SLC23A3: variants seen among roughly 807,000 people sequenced by gnomAD.
SLC23A3 encodes the protein E2-binding protein 3.
In SLC23A3, 41 loss-of-function variants were observed where a neutral mutation model predicts 64.7. That is an observed-to-expected ratio of 0.63 (90% CI 0.49 to 0.82). The LOEUF (loss-of-function observed/expected upper bound fraction) is 0.82, where lower values mean the gene tolerates loss of function less well. Ranked by LOEUF, SLC23A3 falls within the 40% of genes least tolerant of loss-of-function variation. The probability of loss-of-function intolerance (pLI) is 0.00; values close to 1 mark genes in which losing one functional copy is unlikely to be tolerated. For synonymous variants in SLC23A3, 281 were observed against 306.8 expected (o/e 0.92, Z 0.88); for missense variants, 647 against 733.4 (o/e 0.88, Z 1.36).
At position 219,162,373 on chromosome 2, in the gene SLC23A3, A is replaced by G; in HGVS notation, c.1463T>C (p.Leu488Ser). 6.2e-7 allele frequency: 1 copy of G among 1,613,994 alleles called. No homozygotes were observed. Among genetic ancestry groups the G allele is most frequent in the Non-Finnish European group, 8.5e-7 (1 of 1,179,944 alleles). The part of the protein sequence containing the change: ...FSTGWSPLDV[L>S]LHSLLTQPIF... ...GGGCTGTGTCAGCAGTGAGTGCAGT[A>G]ATACATCCAAGGGGCTCCAGCCTAT... Residue 488 changes from leucine to serine, a missense_variant, in exon 11 of 12, where the codon TTA (leucine) becomes TCA (serine). Leu to Ser is a moderately radical substitution (Grantham distance 145). Transcript: ENST00000409878.
In SLC23A3 at chr2:219,169,861, A is replaced by T; in HGVS notation, c.124T>A (p.Ser42Thr). ...STHSWDPLCGSLPWGLSCLLA... is the reference protein window; with the variant it reads ...STHSWDPLCGTLPWGLSCLLA... ...AGACAGCTGAGGCCCCAAGGCAGAGATCCACACAAAGGGTCCCAAGAGTGG... is the reference window on the plus strand; with the variant it reads ...AGACAGCTGAGGCCCCAAGGCAGAGTTCCACACAAAGGGTCCCAAGAGTGG... The change falls in exon 1 of 12, where the codon TCT (serine) becomes ACT (threonine). Residue 42 changes from serine (S) to threonine (T), a missense_variant. Physicochemically the swap from Ser to Thr is moderately conservative, Grantham distance 58. Transcript: ENST00000409878. The surrounding 1 kb of genome is among the most constrained non-coding windows in gnomAD (Gnocchi z 4.5). 6.2e-7 allele frequency: 1 copy of T among 1,613,884 alleles called. No homozygotes were observed. Among genetic ancestry groups the T allele is most frequent in the Non-Finnish European group, 8.5e-7 (1 of 1,179,902 alleles).
chr2:219,169,714 G>T lies in SLC23A3; in HGVS notation c.163-36C>A. The T allele has an allele frequency of 3.1e-6, 5 of 1,613,450 alleles. No homozygotes were observed. The highest frequency in any genetic ancestry group is 4.2e-6 in the Non-Finnish European group (5 of 1,179,712). On this transcript the variant is annotated intron_variant, in intron 1 of 11. Transcript: ENST00000409878. This position sits in a 1 kb window ranked among gnomAD's most constrained non-coding sequence, Gnocchi z 4.5. ...AGGAATGGGGAGGGCAGTCTTCAGA[G>T]AAGTGGAAATACCTACAATACTTCC...
Position 219,163,510 on chromosome 2 carries a change from A to G in SLC23A3, c.1319T>C (p.Phe440Ser). ...VTQAVVLSAG[F>S]SSFYLADIDS... ...TATGTCAGCCAGGTAGAAGCTGGAG[A>G]ATCCAGCAGACAAAACCACAGCCTG... The change falls in exon 10 of 12, where the codon TTC becomes TCC. Residue 440 changes from phenylalanine to serine, a missense_variant. By Grantham distance (155) the Phe-to-Ser change is radical. Coordinates refer to ENST00000409878, the MANE Select transcript of SLC23A3 (RefSeq NM_001144889.2). 6.2e-7 allele frequency: 1 copy of G among 1,614,166 alleles called. No homozygotes were observed. The highest frequency in any genetic ancestry group is 8.5e-7 in the Non-Finnish European group (1 of 1,180,036).
At position 219,169,230 on chromosome 2, in the gene SLC23A3, A is replaced by G; in HGVS notation, c.418+79T>C. 2 of 1,612,588 alleles carry G rather than the reference A, an allele frequency of 1.2e-6. No individual in the cohort carries two copies. Among genetic ancestry groups the G allele is most frequent in the South Asian group, 1.1e-5 (1 of 90,978 alleles). Reference sequence around the variant, plus strand: ...ACAGTCTCACCACTGCCCAATCTCAATTCTGCACCCACCTACACCTGCATG... The same window carrying G: ...ACAGTCTCACCACTGCCCAATCTCAGTTCTGCACCCACCTACACCTGCATG... On this transcript the variant is annotated intron_variant, in intron 3 of 11. Transcript: ENST00000409878. The surrounding 1 kb of genome is among the most constrained non-coding windows in gnomAD (Gnocchi z 4.5).
In SLC23A3 at chr2:219,169,801, C is replaced by T; in HGVS notation, c.162+22G>A. ...CACACACACCATCAGGCAGCACCAA[C>T]TCCTGCACCTCTGCCTCCTACCTGC... On this transcript the variant is annotated intron_variant, in intron 1 of 11. Coordinates refer to ENST00000409878, the MANE Select transcript of SLC23A3 (RefSeq NM_001144889.2). The surrounding 1 kb of genome is among the most constrained non-coding windows in gnomAD (Gnocchi z 4.5). The T allele has an allele frequency of 1.2e-6, 2 of 1,613,622 alleles. No homozygotes were observed. Among genetic ancestry groups the T allele is most frequent in the Non-Finnish European group, 1.7e-6 (2 of 1,179,806 alleles).
At chr2:219,162,940 C>T (rs144461029) in intron 10 of SLC23A3, among the ~76,000 whole-genome samples, 1 of 152,320 alleles carries the variant, frequency 6.6e-6, no homozygotes, top group Non-Finnish European at 1.5e-5. Context: ...CAGTTGAGAA[C>T]TGGGTGAGAC....
At chr2:219,168,879 C>A in intron 4 of SLC23A3, 46 bp from the exon 5 acceptor site, 1 of 1,561,864 alleles carries the variant, frequency 6.4e-7, no homozygotes, top group Non-Finnish European at 8.7e-7. Context: ...TCTGCTCAAT[C>A]AAACTGGCCT....
In SLC23A3 at chr2:219,164,331, G is replaced by GATCC; in HGVS notation, c.1171_1174dup (p.Ser392TrpfsTer57). On this transcript the variant is annotated frameshift_variant, in exon 9 of 12. Coordinates refer to ENST00000409878, the MANE Select transcript of SLC23A3 (RefSeq NM_001144889.2). LOFTEE classifies it high-confidence loss of function. Reference sequence around the variant, plus strand: ...CCCCACTAAGTGAGCCACTTGCTGAGATCCAGCCTGCATGAAGAAAAGACA... The same window carrying GATCC: ...CCCCACTAAGTGAGCCACTTGCTGAGATCCATCCAGCCTGCATGAAGAAAAGACA... 1 of 1,593,268 alleles carries GATCC rather than the reference G, an allele frequency of 6.3e-7. No individual in the cohort carries two copies. The highest frequency in any genetic ancestry group is 8.5e-7 in the Non-Finnish European group (1 of 1,169,654).
chr2:219,164,094 A>G (rs1455313759), intron 9 of SLC23A3, 139 bp downstream of exon 9: 21 of 642,052 alleles, frequency 3.3e-5, no homozygotes, highest in Non-Finnish European at 2.5e-5. Flanking sequence ...ACACATGCTC[A>G]TATCCATCCA....
chr2:219,164,744 G>A (rs1406981736), intron 8 of SLC23A3: 1 of 237,984 alleles, frequency 4.2e-6, no homozygotes, highest in East Asian at 1.4e-4. Context: ...ATTTTTAGTA[G>A]AGACAGGGTT....
At position 219,163,400 on chromosome 2, in the gene SLC23A3, G is replaced by A. The variant is rs1949969312; in HGVS notation, c.1429C>T (p.Leu477=). Residue 477 remains leucine (L), a synonymous_variant, in exon 10 of 12, where the codon CTG becomes TTG. Transcript: ENST00000409878. ...LPRWFREAPV[L]FSTGWSPLDV... is the part of the protein sequence containing the mutation. ...CCCTTCCACCTACCTGTGCTGAACA[G>A]GACTGGGGCTTCCCGAAACCATCTT... 1 of 1,614,108 alleles carries A rather than the reference G, an allele frequency of 6.2e-7. No individual in the cohort carries two copies. The highest frequency in any genetic ancestry group is 1.3e-5 in the African/African-American group (1 of 74,940).
rs745981215 is a variant in SLC23A3 at position 219,168,157 on chromosome 2, C to T, written c.798+38G>A. On this transcript the variant is annotated intron_variant, in intron 6 of 11. Transcript: ENST00000409878. ...ATGGAGTGAGCACTCCAGGCCAGCC[C>T]TTCTGACCTCTACTGCCCTGCCCAG... 5 of 1,609,500 alleles carry T rather than the reference C, an allele frequency of 3.1e-6. No individual in the cohort carries two copies. The African/African-American group carries it at 6.7e-5, about 21-fold the overall frequency.
chr2:219,162,345 G>A lies in SLC23A3; in HGVS notation c.1491C>T (p.Ile497=), dbSNP rs375981700. 1.2e-6 allele frequency: 2 copies of A among 1,614,152 alleles called. No individual in the cohort carries two copies. Among genetic ancestry groups the A allele is most frequent in the East Asian group, 2.2e-5 (1 of 44,884 alleles). The change falls in exon 11 of 12, where the codon ATC becomes ATT. Residue 497 remains isoleucine (I), a synonymous_variant. Coordinates refer to ENST00000409878, the MANE Select transcript of SLC23A3 (RefSeq NM_001144889.2). ...VLLHSLLTQP[I]FLAGLSGFLL... ...GGAAGCCTGAGAGTCCAGCCAGGAAGATGGGCTGTGTCAGCAGTGAGTGCA... is the reference window on the plus strand; with the variant it reads ...GGAAGCCTGAGAGTCCAGCCAGGAAAATGGGCTGTGTCAGCAGTGAGTGCA...
At position 219,169,029 on chromosome 2, in the gene SLC23A3, C is replaced by T; in HGVS notation, c.492G>A (p.Glu164=). The T allele has an allele frequency of 6.2e-7, 1 of 1,613,534 alleles. No homozygotes were observed. Residue 164 remains glutamate (E), a splice_region_variant and synonymous_variant, in exon 4 of 12, where the codon GAG becomes GAA. Transcript: ENST00000409878. The surrounding 1 kb of genome is among the most constrained non-coding windows in gnomAD (Gnocchi z 4.5). Reference sequence around the variant, plus strand: ...TCCCTTCTCACCTCCAGATACCCACCTCCTGGAGAGAAGTGTTCCAGTGCC... The same window carrying T: ...TCCCTTCTCACCTCCAGATACCCACTTCCTGGAGAGAAGTGTTCCAGTGCC... ...GLGHWNTSLQ[E]VSGAVVVSGL...
rs374273671 is a variant in SLC23A3 at position 219,168,237 on chromosome 2, C to T, written c.756G>A (p.Thr252=). Reference sequence around the variant, plus strand: ...CAGGGAGAGGAGTGTGAGTTGATGACGTTGAAGCTCGCCTCCAGGGGCACA... The same window carrying T: ...CAGGGAGAGGAGTGTGAGTTGATGATGTTGAAGCTCGCCTCCAGGGGCACA... The part of the protein sequence containing the change: ...FHVCPWRRAS[T]SSTHTPLPVF... Residue 252 remains threonine (T), a synonymous_variant, in exon 6 of 12, where the codon ACG becomes ACA. Transcript: ENST00000409878. 169 of 1,613,986 alleles carry T rather than the reference C, an allele frequency of 1.0e-4. No individual in the cohort carries two copies. Among genetic ancestry groups the T allele is most frequent in the Non-Finnish European group, 1.4e-4 (160 of 1,179,970 alleles).
rs1950040987 is a variant in SLC23A3 at position 219,169,536 on chromosome 2, G to C, written c.305C>G (p.Thr102Ser). Reference sequence around the variant, plus strand: ...TTCCTCTCACCTGCTGCCCATCCAAGTTTGCAGGATGGTAGACATACCACA... The same window carrying C: ...TTCCTCTCACCTGCTGCCCATCCAACTTTGCAGGATGGTAGACATACCACA... ...FSCGMSTILQTWMGSRLPLVQ... is the reference protein window; with the variant it reads ...FSCGMSTILQSWMGSRLPLVQ... Residue 102 changes from threonine (T) to serine (S), a missense_variant, in exon 2 of 12, where the codon ACT (threonine) becomes AGT (serine). Coordinates refer to ENST00000409878, the MANE Select transcript of SLC23A3 (RefSeq NM_001144889.2). This position sits in a 1 kb window ranked among gnomAD's most constrained non-coding sequence, Gnocchi z 4.5. 1 of 1,614,138 alleles carries C rather than the reference G, an allele frequency of 6.2e-7. No individual in the cohort carries two copies. Among genetic ancestry groups the C allele is most frequent in the East Asian group, 2.2e-5 (1 of 44,886 alleles).
Position 219,164,327 on chromosome 2 carries a change from C to A in SLC23A3, c.1179G>T (p.Gln393His). ...GTAGCCCCACTAAGTGAGCCACTTG[C>A]TGAGATCCAGCCTGCATGAAGAAAA... ...GKVGLIQAGS[Q>H]QVAHLVGLLC... The change falls in exon 9 of 12, where the codon CAG becomes CAT. Residue 393 changes from glutamine to histidine, a missense_variant. Gln to His is a conservative substitution (Grantham distance 24). Transcript: ENST00000409878. 6.3e-7 allele frequency: 1 copy of A among 1,597,940 alleles called. No homozygotes were observed. Among genetic ancestry groups the A allele is most frequent in the Non-Finnish European group, 8.5e-7 (1 of 1,172,236 alleles).
At chr2:219,163,286 T>A (rs1420978739) in intron 10 of SLC23A3, 102 bp downstream of exon 10, 35 of 1,161,758 alleles carry the variant, frequency 3.0e-5, no homozygotes, top group Non-Finnish European at 4.1e-5. Context: ...ATGAAGTATT[T>A]ACACCAAAGC....
Position 219,161,943 on chromosome 2 carries a change from T to G in SLC23A3, c.1799A>C (p.Glu600Ala). ...GGACCTAAACCCTTCTCTGCTAGAT[T>G]CAGGGCATGGCTCCCCTGAGCCAGG... ...LLPGSGEPCPESSREGFRSQK is the reference protein window; with the variant it reads ...LLPGSGEPCPASSREGFRSQK The change falls in exon 12 of 12, where the codon GAA becomes GCA. Residue 600 changes from glutamate to alanine, a missense_variant. By Grantham distance (107) the Glu-to-Ala change is moderately radical. Coordinates refer to ENST00000409878, the MANE Select transcript of SLC23A3 (RefSeq NM_001144889.2). The G allele has an allele frequency of 1.3e-6, 2 of 1,597,532 alleles. No homozygotes were observed. Among genetic ancestry groups the G allele is most frequent in the East Asian group, 2.2e-5 (1 of 44,638 alleles).
Sources: allele counts gnomAD v4.1 joint callset (sites outside exome capture counted in the v4.1 genomes callset), GRCh38; gene constraint gnomAD v4.1.1; non-coding constraint Gnocchi (gnomAD v3.1); transcripts MANE v1.5; gene names NCBI Gene and HGNC (gene_info 2026-07-23, HGNC 2026-07-21).